The following PHACTR4 variants were observed in gnomAD, a reference collection of about 807,000 sequenced individuals.
PHACTR4 encodes the protein protein phosphatase 1, regulatory subunit 124.
In PHACTR4, 51 loss-of-function variants were observed where a neutral mutation model predicts 72.7. The observed-to-expected ratio is 0.70, with a 90% CI of 0.56 to 0.89. PHACTR4 has a LOEUF of 0.89. Among genes scored for constraint, PHACTR4 ranks in the 40% least tolerant of loss-of-function variants. The pLI, the probability that PHACTR4 is intolerant of heterozygous loss-of-function variation, is 0.00. For missense variants in PHACTR4, 731 were observed against 861.8 expected (o/e 0.85, Z 1.90); for synonymous variants, 255 against 302.5 (o/e 0.84, Z 1.63).
chr1:28,413,073 T>G (rs1654887594), intron 2 of PHACTR4, among the ~76,000 whole-genome samples: 1 of 152,162 alleles, frequency 6.6e-6, no homozygotes, highest in Non-Finnish European at 1.5e-5. Flanking sequence ...CACCCCCGTC[T>G]GTAGAAAAAT....
chr1:28,469,516 C>T (rs1659426599), intron 6 of PHACTR4, among the ~76,000 whole-genome samples: 1 of 152,144 alleles, frequency 6.6e-6, no homozygotes, highest in Non-Finnish European at 1.5e-5. Context: ...AATTTACTTC[C>T]TTAACATATA....
At chr1:28,465,041 A>G (rs749238383) in intron 4 of PHACTR4, among the ~76,000 whole-genome samples, 10 of 152,154 alleles carry the variant, frequency 6.6e-5, no homozygotes, top group Non-Finnish European at 1.2e-4. Context: ...TACTTGGCAC[A>G]TAGTAGGCTA....
In PHACTR4 at chr1:28,478,963, A is replaced by G. The variant is rs964622910; in HGVS notation, c.1607-1488A>G. Among the ~76,000 whole-genome samples, 11 of 152,082 alleles carry G rather than the reference A, an allele frequency of 7.2e-5. 1 individual carries two copies. The East Asian group carries it at 2.1e-3, about 30-fold the overall frequency. On this transcript the variant is annotated intron_variant, in intron 8 of 13. Transcript: ENST00000373839. ...AGGAACCTCCATAGTGTTTTCCACA[A>G]TGGCTGTACTAATTTCAGGTTTTTG... is the stretch of plus-strand genomic sequence containing the variant.
chr1:28,409,124 CTTT>C, intron 2 of PHACTR4, among the ~76,000 whole-genome samples: 1 of 133,088 alleles, frequency 7.5e-6, no homozygotes, highest in African/African-American at 2.8e-5. Flanking sequence ...TTCTTTCTTT[CTTT>C]TTTTTTTTTT....
rs757374804 is a variant in PHACTR4 at position 28,476,152 on chromosome 1, C to G, written c.1467C>G (p.Phe489Leu). 2 of 1,613,484 alleles carry G rather than the reference C, an allele frequency of 1.2e-6. No homozygotes were observed. Among genetic ancestry groups the G allele is most frequent in the South Asian group, 1.1e-5 (1 of 90,932 alleles). The change falls in exon 8 of 14, where the codon TTC becomes TTG. Residue 489 changes from phenylalanine (F) to leucine (L), a missense_variant. Physicochemically the swap from Phe to Leu is conservative, Grantham distance 22. Around this residue, in one of 2 missense-constraint regions of PHACTR4, gnomAD observed 621 missense variants for 676.6 expected, o/e 0.92. Coordinates refer to ENST00000373839, the MANE Select transcript of PHACTR4 (RefSeq NM_001048183.3). Reference protein sequence around the residue: ...EEEEQTCPSTFSEEMTPTSVI... With the variant: ...EEEEQTCPSTLSEEMTPTSVI... ...AGGAGCAAACCTGTCCATCCACATT[C>G]AGTGAAGAAATGACACCTACCTCAG...
chr1:28,476,377 G>A (rs1440739032), intron 8 of PHACTR4, 86 bp downstream of exon 8: 2 of 1,338,294 alleles, frequency 1.5e-6, no homozygotes, highest in East Asian at 2.6e-5. Context: ...AAAGAGATAT[G>A]GAAACAGGTA....
At chr1:28,381,658 T>A (rs1439541790) in intron 1 of PHACTR4, among the ~76,000 whole-genome samples, 2 of 152,166 alleles carry the variant, frequency 1.3e-5, no homozygotes, top group Non-Finnish European at 2.9e-5. Context: ...GGTATCTCAT[T>A]GTCATTTCGA....
chr1:28,393,872 CT>C lies in PHACTR4; in HGVS notation c.-38-13527del, dbSNP rs1022158988. Among the ~76,000 whole-genome samples, 29 of 147,840 alleles carry C rather than the reference CT, an allele frequency of 2.0e-4. No homozygotes were observed. In the East Asian group the frequency reaches 2.0e-3, roughly 10 times the overall value. Reference sequence around the variant, plus strand: ...AGGCACATGCCACCATACTGGCTAACTTTTTTTTTTTCTTCTTCCCTGTAGA... The same window carrying C: ...AGGCACATGCCACCATACTGGCTAACTTTTTTTTTTCTTCTTCCCTGTAGA... On this transcript the variant is annotated intron_variant, in intron 1 of 13. Coordinates refer to ENST00000373839, the MANE Select transcript of PHACTR4 (RefSeq NM_001048183.3).
chr1:28,471,977 C>T (rs960351330), intron 6 of PHACTR4, among the ~76,000 whole-genome samples: 1 of 151,822 alleles, frequency 6.6e-6, no homozygotes, highest in African/African-American at 2.4e-5. Flanking sequence ...TTTGGGAGGC[C>T]GAGGCGGGCG....
chr1:28,446,267 C>T (rs1483526008), intron 2 of PHACTR4, among the ~76,000 whole-genome samples: 2 of 152,180 alleles, frequency 1.3e-5, no homozygotes, highest in Non-Finnish European at 2.9e-5. Context: ...CCAACCAAAA[C>T]TTATTGATCC....
intron 2 of PHACTR4, among the ~76,000 whole-genome samples, chr1:28,407,983 G>C (rs1009361278): frequency 6.6e-6 from 1 of 152,050 alleles, no homozygotes; most frequent in African/African-American, 2.4e-5. Context: ...AGCTGGGCAT[G>C]GTGGCACACA....
At chr1:28,406,986 T>C (rs925320986) in intron 1 of PHACTR4, among the ~76,000 whole-genome samples, 1 of 152,164 alleles carries the variant, frequency 6.6e-6, no homozygotes, top group Non-Finnish European at 1.5e-5. Flanking sequence ...CTTGCCTTTT[T>C]CCCTATACTC....
At chr1:28,453,755 A>G in intron 2 of PHACTR4, 1 of 1,080,766 alleles carries the variant, frequency 9.3e-7, no homozygotes, top group Non-Finnish European at 1.4e-6. Flanking sequence ...AGATGAAGAA[A>G]TTAAAAAAAG....
In PHACTR4 at chr1:28,409,355, A is replaced by G. The variant is rs113553555; in HGVS notation, c.16+1892A>G. 9.0e-4 allele frequency among the ~76,000 whole-genome samples: 137 copies of G among 152,308 alleles called. 1 individual carries two copies. Among genetic ancestry groups the G allele is most frequent in the African/African-American group, 3.2e-3 (132 of 41,574 alleles). On this transcript the variant is annotated intron_variant, in intron 2 of 13. Coordinates refer to ENST00000373839, the MANE Select transcript of PHACTR4 (RefSeq NM_001048183.3). ...ATATTTCCCACGTAGCTAGGACTAC[A>G]GGCATACTCCACCACTCCTGGCCCT...
chr1:28,429,658 C>T (rs1656106918), intron 2 of PHACTR4, among the ~76,000 whole-genome samples: 1 of 152,144 alleles, frequency 6.6e-6, no homozygotes, highest in South Asian at 2.1e-4. Context: ...TCCTTATACT[C>T]AAGATTAATA....
intron 1 of PHACTR4, among the ~76,000 whole-genome samples, chr1:28,405,262 T>C (rs78450085): frequency 0.087 from 13,241 of 152,122 alleles, 1,217 homozygotes; most frequent in African/African-American, 0.24. Flanking sequence ...AAAAATTTTC[T>C]CCCATTCTGT....
chr1:28,373,950 T>G (rs146704126), intron 1 of PHACTR4, among the ~76,000 whole-genome samples: 103 of 152,310 alleles, frequency 6.8e-4, no homozygotes, highest in Non-Finnish European at 1.2e-3. Flanking sequence ...TTACAGCTAC[T>G]AATCTTAGCA....
intron 2 of PHACTR4, 39 bp from the exon 3 acceptor site, chr1:28,459,046 T>C: frequency 6.5e-7 from 1 of 1,539,832 alleles, no homozygotes; most frequent in South Asian, 1.2e-5. Flanking sequence ...GCTGAAATAA[T>C]ACATTTGCTT....
intron 6 of PHACTR4, among the ~76,000 whole-genome samples, chr1:28,469,257 A>G (rs1393903872): frequency 6.6e-6 from 1 of 152,212 alleles, no homozygotes; most frequent in African/African-American, 2.4e-5. Flanking sequence ...ACACTAGAAA[A>G]AAAACCAACA....
Sources: allele counts gnomAD v4.1 joint callset (sites outside exome capture counted in the v4.1 genomes callset), GRCh38; gene constraint gnomAD v4.1.1; regional missense constraint gnomAD v4.1.1; transcripts MANE v1.5; gene names NCBI Gene and HGNC (gene_info 2026-07-23, HGNC 2026-07-21).